Variants in GUCA1C observed in about 807,000 individuals in gnomAD.
GUCA1C encodes the protein guanylyl cyclase-activating protein 3.
A neutral mutation model predicts 16.2 loss-of-function variants in GUCA1C; 15 were observed. That is an observed-to-expected ratio of 0.93 (90% CI 0.62 to 1.43). The LOEUF (loss-of-function observed/expected upper bound fraction) is 1.43. Ranked by LOEUF, GUCA1C falls within the 40% of genes most tolerant of loss-of-function variation. GUCA1C has a pLI of 0.00. For synonymous variants in GUCA1C, 78 were observed against 85.4 expected, an observed-to-expected ratio of 0.91 and a Z score of 0.48; for missense variants, 275 against 244.8, an observed-to-expected ratio of 1.12 and a Z score of -0.82.
At chr3:108,923,551 T>A (rs1166459936) in intron 1 of GUCA1C, among the ~76,000 whole-genome samples, 3 of 152,236 alleles carry the variant, frequency 2.0e-5, no homozygotes, top group Non-Finnish European at 2.9e-5. Context: ...TGGTTGACTA[T>A]GGCCTTATAG....
At chr3:108,950,073 GC>G (rs1217635924) in intron 1 of GUCA1C, among the ~76,000 whole-genome samples, 1 of 152,156 alleles carries the variant, frequency 6.6e-6, no homozygotes, top group Non-Finnish European at 1.5e-5. Context: ...CTTGGCAAGA[GC>G]CATTCTACTC....
chr3:108,923,945 C>T (rs1263300063), intron 1 of GUCA1C, among the ~76,000 whole-genome samples: 2 of 152,148 alleles, frequency 1.3e-5, no homozygotes, highest in Non-Finnish European at 2.9e-5. Context: ...ACTTGATTCT[C>T]AGCTTGATCG....
rs185899195 is a variant in GUCA1C at position 108,942,667 on chromosome 3, T to C, written c.204+10892A>G. Among the ~76,000 whole-genome samples the C allele has an allele frequency of 7.9e-4, 121 of 152,280 alleles. 1 individual carries two copies. The highest frequency in any genetic ancestry group is 1.5e-4 in the Non-Finnish European group (10 of 68,018). ...TAAAAGCAGCCCTTAACACCATGGG[T>C]CCATTTGGAACCTTGGAACCACAGA... On this transcript the variant is annotated intron_variant, in intron 1 of 3. Transcript: ENST00000261047.
chr3:108,940,674 G>A (rs1015289736), intron 1 of GUCA1C, among the ~76,000 whole-genome samples: 23 of 152,192 alleles, frequency 1.5e-4, no homozygotes, highest in Admixed American at 5.2e-4. Context: ...AACACCTTTC[G>A]TTTGGAAATA....
chr3:108,940,961 G>A (rs532601484), intron 1 of GUCA1C, among the ~76,000 whole-genome samples: 1 of 152,306 alleles, frequency 6.6e-6, no homozygotes, highest in South Asian at 2.1e-4. Flanking sequence ...TCAGAGTGGG[G>A]ACAGGAGGCC....
At chr3:108,926,541 C>T (rs889938287) in intron 1 of GUCA1C, among the ~76,000 whole-genome samples, 14 of 152,310 alleles carry the variant, frequency 9.2e-5, no homozygotes, top group East Asian at 1.9e-4. Context: ...AGTGCAGTGG[C>T]GTAATCTCAG....
chr3:108,908,820 G>A (rs2107268825), intron 3 of GUCA1C, among the ~76,000 whole-genome samples: 1 of 152,290 alleles, frequency 6.6e-6, no homozygotes, highest in Non-Finnish European at 1.5e-5. Flanking sequence ...TGTCCTGGCT[G>A]CCATGTTTTT....
chr3:108,915,258 T>A (rs999127155), intron 3 of GUCA1C, among the ~76,000 whole-genome samples: 3 of 124,316 alleles, frequency 2.4e-5, no homozygotes, highest in African/African-American at 8.5e-5. Context: ...GGCAGGTTGA[T>A]GCCTTTGGAA....
chr3:108,926,061 T>G (rs1019451311), intron 1 of GUCA1C, among the ~76,000 whole-genome samples: 1 of 151,820 alleles, frequency 6.6e-6, no homozygotes, highest in Admixed American at 6.6e-5. Flanking sequence ...CACTCCAGCC[T>G]GGGTGACAGA....
At chr3:108,953,035 T>C (rs1542217) in intron 1 of GUCA1C, among the ~76,000 whole-genome samples, 109,102 of 152,018 alleles carry the variant, frequency 0.72, 39,887 homozygotes, top group Non-Finnish European at 0.78. Context: ...CTTCCATTTT[T>C]CCCAAACTAA....
rs116505784 is a variant in GUCA1C, at chr3:108,938,282, C to T, written c.204+15277G>A. The stretch of plus-strand genomic sequence containing the variant: ...GTGAAAAATTCATGAATTTTCACAG[C>T]CCCATAACCTGAAGACATTTGCATG... On this transcript the variant is annotated intron_variant, in intron 1 of 3. Coordinates refer to ENST00000261047, the MANE Select transcript of GUCA1C (RefSeq NM_005459.4). Among the ~76,000 whole-genome samples, 1,136 of 152,254 alleles carry T rather than the reference C, an allele frequency of 7.5e-3. 15 individuals carry two copies. The highest frequency in any genetic ancestry group is 0.026 in the African/African-American group (1,062 of 41,534).
chr3:108,929,835 G>C (rs947525914), intron 1 of GUCA1C, among the ~76,000 whole-genome samples: 7 of 152,086 alleles, frequency 4.6e-5, no homozygotes, highest in African/African-American at 1.7e-4. Context: ...AATAGGAACT[G>C]GTTGATATTT....
At position 108,941,266 on chromosome 3, in the gene GUCA1C, C is replaced by T. The variant is rs1165160521; in HGVS notation, c.204+12293G>A. On this transcript the variant is annotated intron_variant, in intron 1 of 3. Coordinates refer to ENST00000261047, the MANE Select transcript of GUCA1C (RefSeq NM_005459.4). ...GAATTCACTCATCATCCCCTCAGTC[C>T]TGATGTCCAGGCTTTGGCTGAAGCT... Among the ~76,000 whole-genome samples, 3 of 152,176 alleles carry T rather than the reference C, an allele frequency of 2.0e-5. No homozygotes were observed. The South Asian group carries it at 6.2e-4, about 32-fold the overall frequency.
At chr3:108,918,796 C>T (rs1250421561) in intron 2 of GUCA1C, among the ~76,000 whole-genome samples, 1 of 151,926 alleles carries the variant, frequency 6.6e-6, no homozygotes, top group Non-Finnish European at 1.5e-5. Flanking sequence ...ATTTTTTTCA[C>T]CTGCCCATTA....
intron 2 of GUCA1C, among the ~76,000 whole-genome samples, chr3:108,917,623 GC>G (rs1286516877): frequency 6.6e-6 from 1 of 152,218 alleles, no homozygotes; most frequent in Admixed American, 6.5e-5. Context: ...TTCTCACTTG[GC>G]AAGTACTGTC....
At chr3:108,951,673 A>G (rs145345993) in intron 1 of GUCA1C, among the ~76,000 whole-genome samples, 2 of 152,032 alleles carry the variant, frequency 1.3e-5, no homozygotes, top group East Asian at 3.9e-4. Flanking sequence ...TGAGATCCCC[A>G]CACCTTTTGT....
At chr3:108,950,181 T>C (rs2593922) in intron 1 of GUCA1C, among the ~76,000 whole-genome samples, 24,838 of 152,206 alleles carry the variant, frequency 0.16, 2,199 homozygotes, top group Middle Eastern at 0.22. Context: ...TCACCAAGCA[T>C]GTCCCCCAGG....
At chr3:108,916,073 C>A in intron 3 of GUCA1C, 54 bp downstream of exon 3, 2 of 1,606,648 alleles carry the variant, frequency 1.2e-6, no homozygotes, top group Non-Finnish European at 1.7e-6. Flanking sequence ...CTCCCCACTA[C>A]CACCATCTCC....
chr3:108,909,915 C>A (rs1343616075), intron 3 of GUCA1C, among the ~76,000 whole-genome samples: 3 of 152,164 alleles, frequency 2.0e-5, no homozygotes, highest in Non-Finnish European at 1.5e-5. Context: ...CCCTCCAGCA[C>A]TCAACATTCA....
Sources: allele counts gnomAD v4.1 joint callset (sites outside exome capture counted in the v4.1 genomes callset), GRCh38; gene constraint gnomAD v4.1.1; transcripts MANE v1.5; gene names NCBI Gene and HGNC (gene_info 2026-07-23, HGNC 2026-07-21).